Variants in DYRK1B observed in about 807,000 individuals in gnomAD.
The protein encoded by DYRK1B is dual specificity tyrosine phosphorylation regulated kinase 1B.
In DYRK1B, 20 loss-of-function variants were observed where a neutral mutation model predicts 57.1. That is an observed-to-expected ratio of 0.35 (90% CI 0.25 to 0.51). The LOEUF is 0.51. DYRK1B is among the 20% of genes least tolerant of loss of function. The pLI is 0.96. For missense variants in DYRK1B, 732 were observed against 886.3 expected, an observed-to-expected ratio of 0.83 and a Z score of 2.21; for synonymous variants, 409 against 384.7, an observed-to-expected ratio of 1.06 and a Z score of -0.74.
chr19:39,831,733 T>C (rs1968820255), intron 2 of DYRK1B, 72 bp downstream of exon 2: 2 of 1,534,834 alleles, frequency 1.3e-6, no homozygotes, highest in Non-Finnish European at 8.8e-7. Flanking sequence ...ACACTACCTT[T>C]TGGTCTGGAG....
chr19:39,833,391 G>A (rs1968918674), intron 1 of DYRK1B: 4 of 980,588 alleles, frequency 4.1e-6, no homozygotes, highest in Non-Finnish European at 4.8e-6. Flanking sequence ...TCTCTGGCCC[G>A]GCCGGCCCCG....
chr19:39,833,372 G>C, intron 1 of DYRK1B: 1 of 984,994 alleles, frequency 1.0e-6, no homozygotes, highest in Non-Finnish European at 1.2e-6. Context: ...CTGAAAAGGC[G>C]ACCGCCTGTC....
rs763767536 is a variant in DYRK1B at position 39,829,956 on chromosome 19, G to A, written c.444C>T (p.Phe148=). The A allele has an allele frequency of 1.2e-6, 2 of 1,614,080 alleles. No homozygotes were observed. The highest frequency in any genetic ancestry group is 1.7e-6 in the Non-Finnish European group (2 of 1,180,022). ...GCAGCTCAATCTGGGCCTGGTTCAG[G>A]AAAGCCTTTTTGTTCTTGATGATCT... ...AIKIIKNKKA[F]LNQAQIELRL... The change falls in exon 5 of 11, where the codon TTC becomes TTT. Residue 148 remains phenylalanine (F), a synonymous_variant. Coordinates refer to ENST00000323039, the MANE Select transcript of DYRK1B (RefSeq NM_004714.3).
chr19:39,830,361 G>A lies in DYRK1B; in HGVS notation c.372+14C>T. On this transcript the variant is annotated intron_variant, in intron 4 of 10. Transcript: ENST00000323039. ...GTGGGGCCTTGGATCAGGGTGGTGG[G>A]GGGTGTCCCACACCTGGCCAAAGGA... 1.2e-6 allele frequency: 2 copies of A among 1,613,950 alleles called. No individual in the cohort carries two copies. The highest frequency in any genetic ancestry group is 1.7e-6 in the Non-Finnish European group (2 of 1,179,988).
In DYRK1B at chr19:39,829,726, CAGG is replaced by C. The variant is rs774176918; in HGVS notation, c.520+151_520+153del. Reference sequence around the variant, plus strand: ...AATAGGACAAAAATCATAAAAGCAGCAGGAGAATCACTGATGTCAGAGAAGCAC... The same window carrying C: ...AATAGGACAAAAATCATAAAAGCAGCAGAATCACTGATGTCAGAGAAGCAC... On this transcript the variant is annotated intron_variant, in intron 5 of 10. Coordinates refer to ENST00000323039, the MANE Select transcript of DYRK1B (RefSeq NM_004714.3). The C allele has an allele frequency of 1.9e-4, 155 of 815,388 alleles. 1 individual carries two copies. The highest frequency in any genetic ancestry group is 3.7e-4 in the South Asian group (17 of 45,996). The allele number at this position is 815,388 out of a possible 1,614,324, so 50.5% of individuals were successfully genotyped here.
chr19:39,827,517 G>A lies in DYRK1B; in HGVS notation c.947C>T (p.Ser316Phe). 4 of 1,613,822 alleles carry A rather than the reference G, an allele frequency of 2.5e-6. No homozygotes were observed. The highest frequency in any genetic ancestry group is 3.4e-6 in the Non-Finnish European group (4 of 1,179,872). Residue 316 changes from serine (S) to phenylalanine (F), a missense_variant, in exon 7 of 11, where the codon TCC (serine) becomes TTC (phenylalanine). Around this residue, in one of 2 missense-constraint regions of DYRK1B, gnomAD observed 510 missense variants for 681.3 expected, o/e 0.75. Coordinates refer to ENST00000323039, the MANE Select transcript of DYRK1B (RefSeq NM_004714.3). ...MHTGEPLFSG[S>F]NEVDQMNRIV... is the part of the protein sequence containing the mutation. ...CCCTTCCTGGGGGCACACCTCATTG[G>A]AGCCACTGAAGAGGGGCTCTCCGGT... is the stretch of plus-strand genomic sequence containing the variant.
chr19:39,832,095 G>T, intron 1 of DYRK1B, 127 bp from the exon 2 acceptor site: 1 of 1,081,230 alleles, frequency 9.2e-7, no homozygotes, highest in Non-Finnish European at 1.2e-6. Context: ...CAACGGAGCA[G>T]CAGATAGCAA....
chr19:39,831,695 T>G, intron 2 of DYRK1B, 110 bp downstream of exon 2: 1 of 1,353,820 alleles, frequency 7.4e-7, no homozygotes, highest in Non-Finnish European at 1.0e-6. Context: ...GGACCCATTA[T>G]GTGCCCAGAA....
chr19:39,828,333 A>C lies in DYRK1B; in HGVS notation c.771T>G (p.Ile257Met). 3 of 1,614,156 alleles carry C rather than the reference A, an allele frequency of 1.9e-6. No homozygotes were observed. Among genetic ancestry groups the C allele is most frequent in the South Asian group, 1.1e-5 (1 of 91,084 alleles). Residue 257 changes from isoleucine (I) to methionine (M), a missense_variant, in exon 6 of 11, where the codon ATT becomes ATG. Coordinates refer to ENST00000323039, the MANE Select transcript of DYRK1B (RefSeq NM_004714.3). The surrounding 1 kb of genome is among the most constrained non-coding windows in gnomAD (Gnocchi z 4.3). ...GCTGGCAGGAGCTGCCGAAGTCCAC[A>C]ATCTTGATGGCGCTGCGCTTGGGGT... ...LCNPKRSAIK[I>M]VDFGSSCQLG... is the part of the protein sequence containing the mutation.
chr19:39,827,381 C>T lies in DYRK1B; in HGVS notation c.999G>A (p.Pro333=), dbSNP rs773112169. 6.9e-5 allele frequency: 111 copies of T among 1,613,608 alleles called. No individual in the cohort carries two copies. The highest frequency in any genetic ancestry group is 8.5e-5 in the Non-Finnish European group (100 of 1,179,724). ...TGGGCGCCTGGTCCAGCATGGCGGC[C>T]GGTGGGATGCCCAGCACCTCCACAA... ...NRIVEVLGIP[P]AAMLDQAPKA... is the part of the protein sequence containing the mutation. The change falls in exon 8 of 11, where the codon CCG becomes CCA. Residue 333 remains proline (P), a synonymous_variant. Coordinates refer to ENST00000323039, the MANE Select transcript of DYRK1B (RefSeq NM_004714.3).
chr19:39,826,236 G>C lies in DYRK1B; in HGVS notation c.1462C>G (p.Arg488Gly). Residue 488 changes from arginine (R) to glycine (G), a missense_variant, in exon 10 of 11, where the codon CGA (arginine) becomes GGA (glycine). Coordinates refer to ENST00000323039, the MANE Select transcript of DYRK1B (RefSeq NM_004714.3). This position sits in a 1 kb window ranked among gnomAD's most constrained non-coding sequence, Gnocchi z 6.3. ...SDNRTYRYSN[R>G]YCGGPGPPIT... ...GGGGGCCCAGGGCCCCCACAATATC[G>C]GTTGCTGTAGCGGTAGGTCCGGTTG... is the stretch of plus-strand genomic sequence containing the variant. The C allele has an allele frequency of 1.3e-6, 2 of 1,596,364 alleles. No individual in the cohort carries two copies. Among genetic ancestry groups the C allele is most frequent in the South Asian group, 1.1e-5 (1 of 88,414 alleles).
rs924115253 is a variant in DYRK1B, at chr19:39,826,963, G to A, written c.1120C>T (p.Arg374Trp). 13 of 1,456,634 alleles carry A rather than the reference G, an allele frequency of 8.9e-6. No individual in the cohort carries two copies. Among genetic ancestry groups the A allele is most frequent in the South Asian group, 1.4e-5 (1 of 73,390 alleles). The allele number at this position is 1,456,634 out of a possible 1,614,324, so 90.2% of individuals were successfully genotyped here. A position where few individuals can be genotyped will look rare whatever the true frequency, so the allele number is the denominator to read the frequency against. The change falls in exon 9 of 11, where the codon CGG becomes TGG. Residue 374 changes from arginine (R) to tryptophan (W), a missense_variant. Arg to Trp is a moderately radical substitution (Grantham distance 101, BLOSUM62 -3). Around this residue, in one of 2 missense-constraint regions of DYRK1B, gnomAD observed 510 missense variants for 681.3 expected, o/e 0.75. Transcript: ENST00000323039. The surrounding 1 kb of genome is among the most constrained non-coding windows in gnomAD (Gnocchi z 6.3). The stretch of plus-strand genomic sequence containing the variant: ...TGCACGCCCAGCACCTCCTGCAGCC[G>A]CCGTGTCCCGGGGCCCTGGTAATCC... Reference protein sequence around the residue: ...RKDYQGPGTRRLQEVLGVQTG... With the variant: ...RKDYQGPGTRWLQEVLGVQTG...
chr19:39,828,916 G>A lies in DYRK1B; in HGVS notation c.521-333C>T, dbSNP rs776595321. 3.3e-5 allele frequency among the ~76,000 whole-genome samples: 5 copies of A among 151,810 alleles called. No individual in the cohort carries two copies. Among genetic ancestry groups the A allele is most frequent in the Non-Finnish European group, 5.9e-5 (4 of 68,006 alleles). ...TTGTGGCAAAGGACACTGGTTTTCC[G>A]TTTACTTTAAGGATATACGTTTTCC... On this transcript the variant is annotated intron_variant, in intron 5 of 10. Coordinates refer to ENST00000323039, the MANE Select transcript of DYRK1B (RefSeq NM_004714.3). This position sits in a 1 kb window ranked among gnomAD's most constrained non-coding sequence, Gnocchi z 4.3.
chr19:39,833,173 C>T, intron 1 of DYRK1B: 30 of 985,736 alleles, frequency 3.0e-5, no homozygotes, highest in Non-Finnish European at 3.5e-5. Flanking sequence ...TGCCACTCCA[C>T]GACTCCTCCA....
In DYRK1B at chr19:39,828,588, G is replaced by A. The variant is rs779017023; in HGVS notation, c.521-5C>T. On this transcript the variant is annotated splice_region_variant and splice_polypyrimidine_tract_variant and intron_variant, in intron 5 of 10. Transcript: ENST00000323039. The surrounding 1 kb of genome is among the most constrained non-coding windows in gnomAD (Gnocchi z 4.3). ...TGAAGTGCCGCTTCAGGTGTACTGC[G>A]GGGGAGGGGAGGAAATGGGCCAGAG... 20 of 1,601,814 alleles carry A rather than the reference G, an allele frequency of 1.2e-5. No homozygotes were observed. The highest frequency in any genetic ancestry group is 1.5e-5 in the Non-Finnish European group (18 of 1,170,648).
chr19:39,827,099 G>A (rs1049057689), intron 8 of DYRK1B, 112 bp from the exon 9 acceptor site: 14 of 1,190,644 alleles, frequency 1.2e-5, no homozygotes, highest in African/African-American at 1.5e-5. Context: ...GGAAAGAAAA[G>A]CTAAGAAGAG....
At chr19:39,827,709 A>T (rs1968605980) in intron 6 of DYRK1B, 53 bp from the exon 7 acceptor site, 1 of 1,586,984 alleles carries the variant, frequency 6.3e-7, no homozygotes, top group Non-Finnish European at 8.6e-7. Flanking sequence ...GGTCCCACTG[A>T]CACCCCCAAA....
At chr19:39,829,736 A>T in intron 5 of DYRK1B, 144 bp downstream of exon 5, 1 of 874,910 alleles carries the variant, frequency 1.1e-6, no homozygotes, top group Non-Finnish European at 1.7e-6. Flanking sequence ...CAGGAGAATC[A>T]CTGATGTCAG....
At chr19:39,829,273 C>CTGGA (rs1489600070) in intron 5 of DYRK1B, among the ~76,000 whole-genome samples, 2 of 149,756 alleles carry the variant, frequency 1.3e-5, no homozygotes, top group Non-Finnish European at 3.0e-5. Flanking sequence ...TGTCATCAGG[C>CTGGA]TGGAGTGCAG....
Sources: gnomAD v4.1 joint callset for allele counts (sites outside exome capture counted in the v4.1 genomes callset) on GRCh38, gnomAD v4.1.1 for gene constraint, gnomAD v4.1.1 regional missense constraint, Gnocchi (gnomAD v3.1) non-coding constraint, MANE v1.5 for transcripts, NCBI Gene and HGNC (gene_info 2026-07-23, HGNC 2026-07-21) for gene names.